The following RAPGEF2 variants were observed in gnomAD, a reference collection of about 807,000 sequenced individuals.
The protein encoded by RAPGEF2 is Rap guanine nucleotide exchange factor 2.
A neutral mutation model predicts 186.7 loss-of-function variants in RAPGEF2; 54 were observed. The observed-to-expected ratio is 0.29, with a 90% confidence interval of 0.23 to 0.36. The LOEUF is 0.36. Ranked by LOEUF, RAPGEF2 falls within the 10% of genes least tolerant of loss-of-function variation. The probability of loss-of-function intolerance (pLI) is 1.00; values close to 1 mark genes in which losing one functional copy is unlikely to be tolerated. For missense variants in RAPGEF2, 1,532 were observed against 2,045.0 expected (o/e 0.75, Z 4.84); for synonymous variants, 712 against 705.9 (o/e 1.01, Z -0.14).
chr4:159,338,392 C>T lies in RAPGEF2; in HGVS notation c.2217C>T (p.Val739=), dbSNP rs375057914. The change falls in exon 18 of 30, where the codon GTC becomes GTT. Residue 739 remains valine (V), a synonymous_variant. Coordinates refer to ENST00000691494, the MANE Select transcript of RAPGEF2 (RefSeq NM_001394067.2). ...AGCACATCCCAACTGCATTGCCTGT[C>T]AGTGGAACCTTATCATCCAGTAATC... The part of the protein sequence containing the change: ...QTKHIPTALP[V]SGTLSSSNPD... The T allele has an allele frequency of 5.3e-5, 86 of 1,613,968 alleles. No individual in the cohort carries two copies. In the African/African-American group the frequency reaches 1.1e-3, roughly 21 times the overall value.
At chr4:159,230,271 A>C (rs1304672942) in intron 4 of RAPGEF2, among the ~76,000 whole-genome samples, 2 of 152,210 alleles carry the variant, frequency 1.3e-5, no homozygotes, top group African/African-American at 4.8e-5. Flanking sequence ...GGTTTTTAAA[A>C]TATTCAGGCT....
At chr4:159,294,278 G>A (rs1205791685) in intron 7 of RAPGEF2, among the ~76,000 whole-genome samples, 4 of 151,966 alleles carry the variant, frequency 2.6e-5, no homozygotes, top group South Asian at 4.2e-4. Context: ...CTCATTTCCC[G>A]AGCTCCATAC....
In RAPGEF2 at chr4:159,322,786, AG is replaced by A. The variant is rs1185908875; in HGVS notation, c.990+305del. Among the ~76,000 whole-genome samples, 6 of 152,164 alleles carry A rather than the reference AG, an allele frequency of 3.9e-5. No individual in the cohort carries two copies. The East Asian group carries it at 9.6e-4, about 24-fold the overall frequency. The stretch of plus-strand genomic sequence containing the variant: ...GCACTTCTTACATGGCAGTGGCAAG[AG>A]GAAAAATGAGGAAGATACAAAAGCA... On this transcript the variant is annotated intron_variant, in intron 10 of 29. Transcript: ENST00000691494.
At chr4:159,234,065 AG>A (rs1421121092) in intron 4 of RAPGEF2, among the ~76,000 whole-genome samples, 1 of 152,018 alleles carries the variant, frequency 6.6e-6, no homozygotes, top group Non-Finnish European at 1.5e-5. Flanking sequence ...ATTTTGATAG[AG>A]GGTATGTTGA....
chr4:159,312,569 A>G (rs186805065), intron 8 of RAPGEF2, among the ~76,000 whole-genome samples: 4 of 152,184 alleles, frequency 2.6e-5, no homozygotes, highest in Admixed American at 2.6e-4. Flanking sequence ...TTCTGTCTGT[A>G]TGGGCTGCAG....
At chr4:159,350,676 G>A (rs766489257) in intron 26 of RAPGEF2, among the ~76,000 whole-genome samples, 1 of 152,068 alleles carries the variant, frequency 6.6e-6, no homozygotes, top group African/African-American at 2.4e-5. Flanking sequence ...TTTTTTCATT[G>A]TATTAACACA....
intron 7 of RAPGEF2, among the ~76,000 whole-genome samples, chr4:159,259,641 C>A (rs4691551): frequency 1.3e-5 from 2 of 151,976 alleles, no homozygotes; most frequent in African/African-American, 4.8e-5. Flanking sequence ...GCAGAAAGAT[C>A]TTTTGTAGGT....
In RAPGEF2 at chr4:159,252,193, T is replaced by G. The variant is rs139956865; in HGVS notation, c.543+8402T>G. Among the ~76,000 whole-genome samples, 1,216 of 152,284 alleles carry G rather than the reference T, an allele frequency of 8.0e-3. 19 individuals carry two copies. Among genetic ancestry groups the G allele is most frequent in the African/African-American group, 0.028 (1,153 of 41,550 alleles). Reference sequence around the variant, plus strand: ...CTCCCACCTCAGCCTCTTTAGTAGCTGAGACTACAGGCGTGAGCCAGCACA... The same window carrying G: ...CTCCCACCTCAGCCTCTTTAGTAGCGGAGACTACAGGCGTGAGCCAGCACA... On this transcript the variant is annotated intron_variant, in intron 7 of 29. Coordinates refer to ENST00000691494, the MANE Select transcript of RAPGEF2 (RefSeq NM_001394067.2).
chr4:159,173,532 G>A (rs1746134072), intron 1 of RAPGEF2, among the ~76,000 whole-genome samples: 1 of 152,152 alleles, frequency 6.6e-6, no homozygotes, highest in Non-Finnish European at 1.5e-5. Flanking sequence ...TCCACCCCCA[G>A]CTCAACAAGG....
intron 7 of RAPGEF2, among the ~76,000 whole-genome samples, chr4:159,284,394 C>A (rs375483055): frequency 3.3e-5 from 5 of 151,926 alleles, no homozygotes; most frequent in African/African-American, 1.2e-4. Flanking sequence ...AAATTGAGCA[C>A]CTTAAGAATT....
intron 7 of RAPGEF2, among the ~76,000 whole-genome samples, chr4:159,302,587 A>G (rs572057521): frequency 6.6e-6 from 1 of 152,262 alleles, no homozygotes; most frequent in Admixed American, 6.5e-5. Context: ...CCATTTAGCT[A>G]TGTGTAAAAT....
At chr4:159,224,547 G>A (rs928328267) in intron 4 of RAPGEF2, among the ~76,000 whole-genome samples, 8 of 152,200 alleles carry the variant, frequency 5.3e-5, no homozygotes, top group African/African-American at 1.9e-4. Context: ...CCTGGCTTAG[G>A]ATGGGCAAAG....
intron 1 of RAPGEF2, among the ~76,000 whole-genome samples, chr4:159,135,372 A>G (rs961928186): frequency 2.0e-5 from 3 of 152,016 alleles, no homozygotes; most frequent in African/African-American, 7.2e-5. Context: ...ATGGCCAAGT[A>G]ATATTCCATT....
At chr4:159,177,197 T>C (rs1000610081) in intron 1 of RAPGEF2, among the ~76,000 whole-genome samples, 1 of 147,020 alleles carries the variant, frequency 6.8e-6, no homozygotes, top group Non-Finnish European at 1.5e-5. Context: ...TTATAAGTAT[T>C]ATAAGAATTC....
At chr4:159,276,896 T>C (rs1249485110) in intron 7 of RAPGEF2, among the ~76,000 whole-genome samples, 1 of 152,158 alleles carries the variant, frequency 6.6e-6, no homozygotes, top group East Asian at 1.9e-4. Flanking sequence ...TAGCTGTTTC[T>C]CAGAGCAAGA....
intron 4 of RAPGEF2, among the ~76,000 whole-genome samples, chr4:159,228,518 A>G (rs1244445077): frequency 6.6e-6 from 1 of 152,212 alleles, no homozygotes; most frequent in African/African-American, 2.4e-5. Flanking sequence ...CTCTATTTTT[A>G]TAAGCAGAGA....
At chr4:159,152,763 G>T (rs1453195346) in intron 1 of RAPGEF2, among the ~76,000 whole-genome samples, 1 of 152,130 alleles carries the variant, frequency 6.6e-6, no homozygotes, top group African/African-American at 2.4e-5. Flanking sequence ...GAGTACAGGT[G>T]CCCACCACCA....
intron 1 of RAPGEF2, among the ~76,000 whole-genome samples, chr4:159,176,193 A>AAG (rs1746434618): frequency 6.6e-6 from 1 of 152,122 alleles, no homozygotes; most frequent in Non-Finnish European, 1.5e-5. Context: ...ATCATGTGGA[A>AAG]AGGGTACAAG....
At chr4:159,222,297 G>A (rs1258055713) in intron 4 of RAPGEF2, among the ~76,000 whole-genome samples, 1 of 152,170 alleles carries the variant, frequency 6.6e-6, no homozygotes, top group African/African-American at 2.4e-5. Flanking sequence ...ACTGGGATTG[G>A]TAGTGTCTTA....
Sources: allele counts gnomAD v4.1 joint callset (sites outside exome capture counted in the v4.1 genomes callset), GRCh38; gene constraint gnomAD v4.1.1; transcripts MANE v1.5; gene names NCBI Gene and HGNC (gene_info 2026-07-23, HGNC 2026-07-21).